The following PPFIBP1 variants were observed in gnomAD, a reference collection of about 807,000 sequenced individuals.
PPFIBP1 encodes the protein liprin-beta-1.
Under a neutral mutation model 137.8 loss-of-function variants are expected in PPFIBP1, and 112 were observed. The ratio of observed to expected loss-of-function variants is 0.81; its 90% CI spans 0.70 to 0.95. PPFIBP1 has a LOEUF of 0.95. Ranked by LOEUF, PPFIBP1 falls within the 40% of genes least tolerant of loss-of-function variation. The pLI is 0.00. For synonymous variants in PPFIBP1, 378 were observed against 417.3 expected (o/e 0.91, Z 1.15); for missense variants, 1,083 against 1,196.6 (o/e 0.91, Z 1.40).
chr12:27,646,601 G>A (rs2058515186), intron 5 of PPFIBP1, among the ~76,000 whole-genome samples: 1 of 151,872 alleles, frequency 6.6e-6, no homozygotes, highest in African/African-American at 2.4e-5. Context: ...TATGAATATA[G>A]CATAACATCT....
intron 1 of PPFIBP1, among the ~76,000 whole-genome samples, chr12:27,561,703 C>T (rs906536372): frequency 9.9e-5 from 15 of 152,080 alleles, no homozygotes; most frequent in East Asian, 1.9e-4. Context: ...GCTTTCGTTT[C>T]TGTAGTTCTC....
chr12:27,682,400 A>C lies in PPFIBP1; in HGVS notation c.2060A>C (p.Lys687Thr), dbSNP rs1381380169. 1.2e-6 allele frequency: 2 copies of C among 1,611,494 alleles called. No homozygotes were observed. Among genetic ancestry groups the C allele is most frequent in the South Asian group, 1.1e-5 (1 of 90,994 alleles). ...QQDLEKELGI[K>T]HSLHRKKLQL... ...TTATTGTTTCAGGAACTTGGAATCA[A>C]GCATTCACTTCATCGAAAGAAACTC... The change falls in exon 23 of 30, where the codon AAG becomes ACG. Residue 687 changes from lysine to threonine, a missense_variant. Lys to Thr is a moderately conservative substitution (Grantham distance 78, BLOSUM62 -1). Coordinates refer to ENST00000228425, the MANE Select transcript of PPFIBP1 (RefSeq NM_003622.4).
chr12:27,550,644 T>C (rs1392109719), intron 1 of PPFIBP1, among the ~76,000 whole-genome samples: 2 of 152,174 alleles, frequency 1.3e-5, no homozygotes, highest in East Asian at 3.8e-4. Context: ...CCTTACTACA[T>C]GGACTCTGTG....
At position 27,609,231 on chromosome 12, in the gene PPFIBP1, C is replaced by A. The variant is rs143605107; in HGVS notation, c.-35-24131C>A. 6.6e-5 allele frequency among the ~76,000 whole-genome samples: 10 copies of A among 152,286 alleles called. 1 individual carries two copies. Among genetic ancestry groups the A allele is most frequent in the African/African-American group, 1.7e-4 (7 of 41,558 alleles). ...ATGTCTCAGATTTTATTTTAGAAAACCATAGGTATCCACTACTTTATAGAA... is the reference window on the plus strand; with the variant it reads ...ATGTCTCAGATTTTATTTTAGAAAAACATAGGTATCCACTACTTTATAGAA... On this transcript the variant is annotated intron_variant, in intron 2 of 29. Coordinates refer to ENST00000228425, the MANE Select transcript of PPFIBP1 (RefSeq NM_003622.4).
intron 6 of PPFIBP1, among the ~76,000 whole-genome samples, chr12:27,648,940 G>A (rs1014774729): frequency 4.6e-5 from 7 of 152,142 alleles, no homozygotes; most frequent in African/African-American, 1.7e-4. Flanking sequence ...TTAGTAGCAC[G>A]TCAGGGTGAC....
At chr12:27,632,865 TTG>T (rs142783779) in intron 2 of PPFIBP1, among the ~76,000 whole-genome samples, 6 of 152,218 alleles carry the variant, frequency 3.9e-5, no homozygotes, top group South Asian at 2.1e-4. Flanking sequence ...ATGTGTGTGT[TTG>T]TGTGTGTGTG....
intron 2 of PPFIBP1, among the ~76,000 whole-genome samples, chr12:27,631,641 A>G (rs1592987439): frequency 6.6e-6 from 1 of 152,178 alleles, no homozygotes; most frequent in African/African-American, 2.4e-5. Context: ...GTTCTTCACT[A>G]CTTTGAAAAG....
At chr12:27,607,700 A>G (rs1193109625) in intron 2 of PPFIBP1, among the ~76,000 whole-genome samples, 1 of 152,210 alleles carries the variant, frequency 6.6e-6, no homozygotes, top group African/African-American at 2.4e-5. Context: ...CCAAAAATCC[A>G]TAGATGATGA....
intron 1 of PPFIBP1, among the ~76,000 whole-genome samples, chr12:27,567,043 A>G (rs552828246): frequency 9.8e-4 from 149 of 152,366 alleles, no homozygotes; most frequent in African/African-American, 3.3e-3. Context: ...AGGAAAGCAC[A>G]CTGGTTTTGT....
chr12:27,633,568 C>T (rs1418350714), intron 3 of PPFIBP1, 108 bp downstream of exon 3: 5 of 851,360 alleles, frequency 5.9e-6, no homozygotes, highest in Non-Finnish European at 8.9e-6. Flanking sequence ...TTTTTTAGAC[C>T]TATGCCTTTT....
At chr12:27,582,531 CTAT>C (rs1199228429) in intron 2 of PPFIBP1, among the ~76,000 whole-genome samples, 3 of 152,114 alleles carry the variant, frequency 2.0e-5, no homozygotes, top group African/African-American at 7.2e-5. Context: ...GTTCTTAAAT[CTAT>C]TATTTAGCAG....
intron 24 of PPFIBP1, among the ~76,000 whole-genome samples, chr12:27,682,986 T>C (rs2060969511): frequency 6.6e-6 from 1 of 152,256 alleles, no homozygotes. Context: ...TGTAATACAT[T>C]CAACAAAGTA....
Position 27,691,818 on chromosome 12 carries a change from G to A in PPFIBP1, c.2755G>A (p.Val919Ile), listed in dbSNP as rs1204668993. ...GAAACAGGAAGATGGTGAAGAATAT[G>A]TTTGTCCAATGGAATTGGGACAGGC... ...KKKQEDGEEY[V>I]CPMELGQASG... Residue 919 changes from valine to isoleucine, a missense_variant, in exon 28 of 30, where the codon GTT becomes ATT. By Grantham distance (29) the Val-to-Ile change is conservative. Transcript: ENST00000228425. 4 of 1,614,036 alleles carry A rather than the reference G, an allele frequency of 2.5e-6. No individual in the cohort carries two copies. The highest frequency in any genetic ancestry group is 3.4e-6 in the Non-Finnish European group (4 of 1,179,952).
At chr12:27,685,219 A>G (rs902020204) in intron 24 of PPFIBP1, among the ~76,000 whole-genome samples, 6 of 131,256 alleles carry the variant, frequency 4.6e-5, no homozygotes, top group Non-Finnish European at 7.4e-5. Flanking sequence ...TAGAGTATGT[A>G]TATATATATA....
intron 3 of PPFIBP1, 91 bp downstream of exon 3, chr12:27,633,551 A>G (rs184024064): frequency 1.7e-6 from 2 of 1,172,674 alleles, no homozygotes; most frequent in African/African-American, 3.1e-5. Context: ...TTTTCACTTT[A>G]TTTTCATTTT....
chr12:27,612,779 G>C (rs1179023421), intron 2 of PPFIBP1, among the ~76,000 whole-genome samples: 1 of 152,176 alleles, frequency 6.6e-6, no homozygotes, highest in Non-Finnish European at 1.5e-5. Flanking sequence ...TATCCTAAGA[G>C]ATCAGGTGGA....
intron 7 of PPFIBP1, among the ~76,000 whole-genome samples, chr12:27,652,996 T>G (rs1415439557): frequency 2.6e-5 from 4 of 152,154 alleles, no homozygotes; most frequent in Non-Finnish European, 5.9e-5. Flanking sequence ...AGTGAAATAT[T>G]GTGCCATTAT....
chr12:27,571,997 G>C (rs939404244), intron 1 of PPFIBP1, among the ~76,000 whole-genome samples: 1 of 152,128 alleles, frequency 6.6e-6, no homozygotes, highest in African/African-American at 2.4e-5. Context: ...CATGATGACT[G>C]ACTGTAATCC....
intron 2 of PPFIBP1, among the ~76,000 whole-genome samples, chr12:27,615,610 G>T (rs1341156459): frequency 6.6e-6 from 1 of 152,188 alleles, no homozygotes; most frequent in Non-Finnish European, 1.5e-5. Flanking sequence ...ATAATCTTGG[G>T]TTATAGATGT....
Sources: gnomAD v4.1 joint callset for allele counts (sites outside exome capture counted in the v4.1 genomes callset) on GRCh38, gnomAD v4.1.1 for gene constraint, MANE v1.5 for transcripts, NCBI Gene and HGNC (gene_info 2026-07-23, HGNC 2026-07-21) for gene names.